The following HUNK variants were observed in gnomAD, a reference collection of about 807,000 sequenced individuals.
HUNK encodes the protein hormonally up-regulated neu tumor-associated kinase.
HUNK carries 21 observed loss-of-function variants against 61.0 expected under a neutral mutation model. The observed-to-expected ratio is 0.34, with a 90% confidence interval of 0.24 to 0.50. The LOEUF (loss-of-function observed/expected upper bound fraction) is 0.50. HUNK is among the 20% of genes least tolerant of loss of function. The probability of loss-of-function intolerance (pLI) is 0.98; values close to 1 mark genes in which losing one functional copy is unlikely to be tolerated. For missense variants in HUNK, 772 were observed against 945.7 expected (o/e 0.82, Z 2.41); for synonymous variants, 371 against 386.1 (o/e 0.96, Z 0.46).
rs144825218 is a variant in HUNK, at chr21:31,955,093, G to A, written c.747-3750G>A. On this transcript the variant is annotated intron_variant, in intron 4 of 10. Transcript: ENST00000270112. ...TGAGCCATTGCGCCTGGCTGAATGT[G>A]CATTTTCAACAAGTTCTCAGGTAGT... Among the ~76,000 whole-genome samples, 1,082 of 152,132 alleles carry A rather than the reference G, an allele frequency of 7.1e-3. 10 individuals are homozygous for A. The highest frequency in any genetic ancestry group is 0.025 in the African/African-American group (1,019 of 41,494).
At chr21:31,977,887 G>A (rs927095180) in intron 7 of HUNK, among the ~76,000 whole-genome samples, 1 of 152,166 alleles carries the variant, frequency 6.6e-6, no homozygotes, top group Admixed American at 6.5e-5. Context: ...TTGTAGAGAC[G>A]GGCTTTCGCC....
chr21:31,953,272 C>T (rs1376941928), intron 4 of HUNK, among the ~76,000 whole-genome samples: 27 of 138,756 alleles, frequency 1.9e-4, no homozygotes, highest in African/African-American at 3.2e-4. Context: ...GATGGAGTTT[C>T]GCTCTTGTTG....
At chr21:31,947,154 C>T (rs988355829) in intron 4 of HUNK, among the ~76,000 whole-genome samples, 21 of 150,162 alleles carry the variant, frequency 1.4e-4, no homozygotes, top group African/African-American at 4.4e-4. Context: ...TTGGCGCCTG[C>T]GCATTCCCAC....
chr21:31,917,745 CACACACA>C (rs1568924782), intron 1 of HUNK, among the ~76,000 whole-genome samples: 1 of 147,678 alleles, frequency 6.8e-6, no homozygotes, highest in Non-Finnish European at 1.5e-5. Flanking sequence ...CACACACACA[CACACACA>C]CACACCCCTG....
chr21:31,908,335 G>C (rs2052521899), intron 1 of HUNK, among the ~76,000 whole-genome samples: 1 of 152,104 alleles, frequency 6.6e-6, no homozygotes, highest in South Asian at 2.1e-4. Flanking sequence ...ACTGTCTTTA[G>C]AAAGAAGACT....
intron 4 of HUNK, among the ~76,000 whole-genome samples, chr21:31,948,042 A>G (rs2052821772): frequency 1.3e-5 from 2 of 152,160 alleles, no homozygotes; most frequent in Non-Finnish European, 2.9e-5. Flanking sequence ...ATTACTCTCT[A>G]TTACCCTATT....
chr21:31,982,424 TA>T (rs1198819096), intron 7 of HUNK, among the ~76,000 whole-genome samples: 2 of 152,244 alleles, frequency 1.3e-5, no homozygotes, highest in East Asian at 3.9e-4. Flanking sequence ...TTATTAATTT[TA>T]TCAACCAATT....
intron 2 of HUNK, among the ~76,000 whole-genome samples, chr21:31,939,847 C>A (rs2052758185): frequency 6.6e-6 from 1 of 151,662 alleles, no homozygotes; most frequent in East Asian, 1.9e-4. Context: ...TGATGTGTTC[C>A]TCTCTCCCCA....
chr21:31,929,246 TG>T (rs61444961), intron 2 of HUNK, among the ~76,000 whole-genome samples: 14,508 of 151,376 alleles, frequency 0.096, 784 homozygotes, highest in Middle Eastern at 0.15. Flanking sequence ...AAGTAGGTTT[TG>T]TTTTTTTTTT....
At chr21:31,904,288 G>T (rs1167663297) in intron 1 of HUNK, among the ~76,000 whole-genome samples, 1 of 152,020 alleles carries the variant, frequency 6.6e-6, no homozygotes, top group Admixed American at 6.6e-5. Flanking sequence ...AACTTTAAAT[G>T]GTTGAACAAA....
At chr21:31,945,150 C>T (rs1409540453) in intron 3 of HUNK, among the ~76,000 whole-genome samples, 1 of 152,078 alleles carries the variant, frequency 6.6e-6, no homozygotes, top group Non-Finnish European at 1.5e-5. Flanking sequence ...CATTGAAGTT[C>T]AAAGGATGAG....
In HUNK at chr21:31,924,353, G is replaced by T. The variant is rs2052645013; in HGVS notation, c.262-115G>T. The T allele has an allele frequency of 7.5e-6, 6 of 802,756 alleles. No individual in the cohort carries two copies. The East Asian group carries it at 1.6e-4, about 21-fold the overall frequency. 49.7% of individuals were successfully genotyped at this position (802,756 alleles called of 1,614,324 possible). On this transcript the variant is annotated intron_variant, in intron 1 of 10. Transcript: ENST00000270112. The surrounding 1 kb of genome is among the most constrained non-coding windows in gnomAD (Gnocchi z 5.1). ...TTCTGTTGATGCTGTTTTAGGTAAG[G>T]TGTTTCTCCTCTGCAGAGACATAGC... is the stretch of plus-strand genomic sequence containing the variant.
At position 31,924,345 on chromosome 21, in the gene HUNK, T is replaced by C; in HGVS notation, c.262-123T>C. ...TATATATTTTCTGTTGATGCTGTTTTAGGTAAGGTGTTTCTCCTCTGCAGA... is the reference window on the plus strand; with the variant it reads ...TATATATTTTCTGTTGATGCTGTTTCAGGTAAGGTGTTTCTCCTCTGCAGA... On this transcript the variant is annotated intron_variant, in intron 1 of 10. Coordinates refer to ENST00000270112, the MANE Select transcript of HUNK (RefSeq NM_014586.2). This position sits in a 1 kb window ranked among gnomAD's most constrained non-coding sequence, Gnocchi z 5.1. The C allele has an allele frequency of 5.5e-6, 4 of 732,870 alleles. No homozygotes were observed. The highest frequency in any genetic ancestry group is 8.8e-6 in the Non-Finnish European group (4 of 453,086). 45.4% of individuals were successfully genotyped at this position (732,870 alleles called of 1,614,324 possible).
chr21:32,001,864 T>G lies in HUNK; in HGVS notation c.*2680T>G, dbSNP rs2053248652. 6.6e-6 allele frequency: 1 copy of G among 152,668 alleles called. No homozygotes were observed. Among genetic ancestry groups the G allele is most frequent in the Admixed American group, 6.5e-5 (1 of 15,284 alleles). 9.5% of individuals were successfully genotyped at this position (152,668 alleles called of 1,614,324 possible). ...CCTGTAGTTACTGACAGAAATTGAC[T>G]GGACTGTCATTGTGTGAAGTCTAGG... On this transcript the variant is annotated 3_prime_UTR_variant, in exon 11 of 11. Coordinates refer to ENST00000270112, the MANE Select transcript of HUNK (RefSeq NM_014586.2).
chr21:31,964,129 C>A (rs554223195), intron 5 of HUNK, among the ~76,000 whole-genome samples: 1 of 152,204 alleles, frequency 6.6e-6, no homozygotes, highest in Non-Finnish European at 1.5e-5. Context: ...ATTTATAATA[C>A]ATTCCAAGCA....
intron 1 of HUNK, among the ~76,000 whole-genome samples, chr21:31,887,619 G>T (rs995491470): frequency 6.6e-6 from 1 of 152,206 alleles, no homozygotes. Flanking sequence ...AGACGCTCTT[G>T]TATGTGACGC....
chr21:31,882,844 A>G (rs905655221), intron 1 of HUNK, among the ~76,000 whole-genome samples: 5 of 152,124 alleles, frequency 3.3e-5, no homozygotes, highest in African/African-American at 7.2e-5. Context: ...TAAACTGTAC[A>G]TGCTGTTCAT....
chr21:31,904,321 T>C (rs2052490016), intron 1 of HUNK, among the ~76,000 whole-genome samples: 1 of 152,120 alleles, frequency 6.6e-6, no homozygotes, highest in Non-Finnish European at 1.5e-5. Context: ...GAAACTACAT[T>C]TATCTGATGT....
intron 4 of HUNK, among the ~76,000 whole-genome samples, chr21:31,950,254 A>C (rs2123834851): frequency 6.6e-6 from 1 of 152,338 alleles, no homozygotes; most frequent in South Asian, 2.1e-4. Flanking sequence ...GCCAGATCCT[A>C]AGAATGAGAA....
Sources: gnomAD v4.1 joint callset for allele counts (sites outside exome capture counted in the v4.1 genomes callset) on GRCh38, gnomAD v4.1.1 for gene constraint, Gnocchi (gnomAD v3.1) non-coding constraint, MANE v1.5 for transcripts, NCBI Gene and HGNC (gene_info 2026-07-23, HGNC 2026-07-21) for gene names.